The following FREM3 variants were observed in gnomAD, a reference collection of about 807,000 sequenced individuals.
The protein encoded by FREM3 is FRAS1 related extracellular matrix 3, also known as FRAS1-related extracellular matrix protein 3.
Under a neutral mutation model 129.1 loss-of-function variants are expected in FREM3, and 105 were observed. The ratio of observed to expected loss-of-function variants is 0.81; its 90% CI spans 0.69 to 0.96. The LOEUF is 0.96. Among genes scored for constraint, FREM3 ranks in the 40% least tolerant of loss-of-function variants. FREM3 has a pLI of 0.00. For missense variants in FREM3, 2,593 were observed against 2,666.3 expected, an observed-to-expected ratio of 0.97 and a Z score of 0.61; for synonymous variants, 1,014 against 1,044.9, an observed-to-expected ratio of 0.97 and a Z score of 0.57.
intron 6 of FREM3, among the ~76,000 whole-genome samples, chr4:143,586,365 C>CT (rs1461102926): frequency 1.3e-5 from 2 of 152,060 alleles, no homozygotes; most frequent in Non-Finnish European, 1.5e-5. Flanking sequence ...GTTAGAGAGG[C>CT]TTTTTTTGGC....
chr4:143,589,606 GT>G (rs1333803853), intron 6 of FREM3, among the ~76,000 whole-genome samples: 3 of 152,144 alleles, frequency 2.0e-5, no homozygotes, highest in Non-Finnish European at 4.4e-5. Flanking sequence ...CTATATCTCT[GT>G]TTTGGTACCA....
At chr4:143,589,827 T>C (rs1252868259) in intron 6 of FREM3, among the ~76,000 whole-genome samples, 2 of 152,204 alleles carry the variant, frequency 1.3e-5, no homozygotes, top group South Asian at 2.1e-4. Flanking sequence ...TAAATTACCT[T>C]GGGCAGTATG....
chr4:143,615,042 C>T (rs1279085367), intron 5 of FREM3, among the ~76,000 whole-genome samples: 1 of 152,200 alleles, frequency 6.6e-6, no homozygotes, highest in African/African-American at 2.4e-5. Context: ...GGCTCAGTCT[C>T]TGTGGCTACA....
intron 6 of FREM3, among the ~76,000 whole-genome samples, chr4:143,592,544 T>C (rs934565710): frequency 6.6e-6 from 1 of 152,230 alleles, no homozygotes; most frequent in African/African-American, 2.4e-5. Flanking sequence ...AAAATTCTTT[T>C]CTTTAAGATT....
chr4:143,610,847 G>A (rs1578833569), intron 6 of FREM3, among the ~76,000 whole-genome samples: 5 of 152,108 alleles, frequency 3.3e-5, no homozygotes. Flanking sequence ...CATAAAAAGA[G>A]GTCCAGATGC....
intron 2 of FREM3, among the ~76,000 whole-genome samples, chr4:143,650,353 C>T (rs1739489362): frequency 6.6e-6 from 1 of 152,198 alleles, no homozygotes; most frequent in African/African-American, 2.4e-5. Context: ...TGACCTTCCC[C>T]ACAGTTGGTT....
At chr4:143,610,804 C>G (rs1738742255) in intron 6 of FREM3, among the ~76,000 whole-genome samples, 1 of 152,130 alleles carries the variant, frequency 6.6e-6, no homozygotes, top group Non-Finnish European at 1.5e-5. Flanking sequence ...CTGGGCTCCC[C>G]AGGGACTGGA....
rs113155195 is a variant in FREM3 at position 143,581,236 on chromosome 4, AC to A, written c.6179-3385del. On this transcript the variant is annotated intron_variant, in intron 7 of 7. Coordinates refer to ENST00000329798, the MANE Select transcript of FREM3 (RefSeq NM_001168235.2). The stretch of plus-strand genomic sequence containing the variant: ...GCACAGCCATCTTGTCCCCATCTGA[AC>A]CCTTTAGTCATTGGCGGCTCTGCAT... 6.0e-3 allele frequency among the ~76,000 whole-genome samples: 919 copies of A among 152,166 alleles called. 9 individuals are homozygous for A. Among genetic ancestry groups the A allele is most frequent in the African/African-American group, 0.02 (819 of 41,518 alleles).
chr4:143,580,955 A>C (rs1738132298), intron 7 of FREM3, among the ~76,000 whole-genome samples: 1 of 152,084 alleles, frequency 6.6e-6, no homozygotes, highest in Non-Finnish European at 1.5e-5. Context: ...CCCCAGCCCC[A>C]CCTAGGCTCT....
chr4:143,660,692 G>A (rs1263182190), intron 2 of FREM3, among the ~76,000 whole-genome samples: 1 of 151,996 alleles, frequency 6.6e-6, no homozygotes, highest in East Asian at 1.9e-4. Context: ...CCATTTTCAC[G>A]ATATTGATTC....
chr4:143,645,724 T>C (rs145575312), intron 2 of FREM3, among the ~76,000 whole-genome samples: 34 of 152,334 alleles, frequency 2.2e-4, no homozygotes, highest in African/African-American at 7.5e-4. Flanking sequence ...CCAGTAAATA[T>C]CTATGTTTTA....
chr4:143,658,507 C>T (rs1471410299), intron 2 of FREM3, among the ~76,000 whole-genome samples: 2 of 152,124 alleles, frequency 1.3e-5, no homozygotes, highest in African/African-American at 4.8e-5. Context: ...TTACAGCAGC[C>T]TGAATGGACT....
At position 143,699,224 on chromosome 4, in the gene FREM3, A is replaced by C; in HGVS notation, c.1452T>G (p.Phe484Leu). 6.5e-7 allele frequency: 1 copy of C among 1,537,234 alleles called. No homozygotes were observed. Among genetic ancestry groups the C allele is most frequent in the East Asian group, 2.4e-5 (1 of 40,904 alleles). ...RGLRHGQLVV[F>L]GAPAGCKYFT... Reference sequence around the variant, plus strand: ...AATACTTGCACCCAGCAGGTGCCCCAAACACCACCAGCTGCCCATGTCTCA... The same window carrying C: ...AATACTTGCACCCAGCAGGTGCCCCCAACACCACCAGCTGCCCATGTCTCA... Residue 484 changes from phenylalanine (F) to leucine (L), a missense_variant, in exon 1 of 8, where the codon TTT becomes TTG. Transcript: ENST00000329798. The surrounding 1 kb of genome is among the most constrained non-coding windows in gnomAD (Gnocchi z 4.2).
chr4:143,606,963 C>T (rs1328401135), intron 6 of FREM3, among the ~76,000 whole-genome samples: 9 of 152,094 alleles, frequency 5.9e-5, no homozygotes, highest in Admixed American at 5.9e-4. Flanking sequence ...ACCTGAGTTG[C>T]AATGGCTGAA....
At chr4:143,611,129 A>T in intron 6 of FREM3, 150 bp downstream of exon 6, 1 of 807,878 alleles carries the variant, frequency 1.2e-6, no homozygotes, top group Non-Finnish European at 1.9e-6. Flanking sequence ...ATGTCTATGC[A>T]TTTGAAGAGC....
At chr4:143,648,273 G>A (rs1739453801) in intron 2 of FREM3, among the ~76,000 whole-genome samples, 3 of 152,170 alleles carry the variant, frequency 2.0e-5, no homozygotes, top group Admixed American at 1.3e-4. Context: ...CAGGCTCTTA[G>A]GCAGAAGGGA....
At chr4:143,675,318 A>C (rs28787424) in intron 2 of FREM3, among the ~76,000 whole-genome samples, 1 of 152,194 alleles carries the variant, frequency 6.6e-6, no homozygotes, top group African/African-American at 2.4e-5. Context: ...TGAAAGCAGA[A>C]ATAAAGATGT....
At chr4:143,594,295 G>T (rs1738425038) in intron 6 of FREM3, among the ~76,000 whole-genome samples, 1 of 152,166 alleles carries the variant, frequency 6.6e-6, no homozygotes, top group Non-Finnish European at 1.5e-5. Context: ...TGGAAATGCA[G>T]AAATCACCCG....
intron 2 of FREM3, among the ~76,000 whole-genome samples, chr4:143,639,556 A>G (rs1488595413): frequency 6.6e-6 from 1 of 152,132 alleles, no homozygotes; most frequent in East Asian, 1.9e-4. Flanking sequence ...AATCCAGAAA[A>G]CAGATTAACT....
Sources: gnomAD v4.1 joint callset for allele counts (sites outside exome capture counted in the v4.1 genomes callset) on GRCh38, gnomAD v4.1.1 for gene constraint, Gnocchi (gnomAD v3.1) non-coding constraint, MANE v1.5 for transcripts, NCBI Gene and HGNC (gene_info 2026-07-23, HGNC 2026-07-21) for gene names.